The following REPS2 variants were observed in gnomAD, a reference collection of about 807,000 sequenced individuals.
The protein encoded by REPS2 is RALBP1 associated Eps domain containing 2.
REPS2 carries 23 observed loss-of-function variants against 53.6 expected under a neutral mutation model. That is an observed-to-expected ratio of 0.43 (90% CI 0.31 to 0.61). The LOEUF (loss-of-function observed/expected upper bound fraction) is 0.61, where lower values mean the gene tolerates loss of function less well. Ranked by LOEUF, REPS2 falls within the 20% of genes least tolerant of loss-of-function variation. The pLI, the probability that REPS2 is intolerant of heterozygous loss-of-function variation, is 0.11. For missense variants in REPS2, 446 were observed against 534.9 expected (o/e 0.83, Z 1.64); for synonymous variants, 238 against 218.6 (o/e 1.09, Z -0.78).
At chrX:17,059,658 G>A (rs953069278) in intron 8 of REPS2, among the ~76,000 whole-genome samples, 14 of 109,300 alleles carry the variant, frequency 1.3e-4, no homozygotes, top group Non-Finnish European at 2.3e-4. Context: ...GTAGAGACGG[G>A]GTTTCACCAT....
At chrX:17,004,298 A>C (rs1210049774) in intron 1 of REPS2, among the ~76,000 whole-genome samples, 1 of 108,447 alleles carries the variant, frequency 9.2e-6, no homozygotes, top group Non-Finnish European at 1.9e-5. Context: ...TTTTCACCTT[A>C]TTTTCTTTAG....
In REPS2 at chrX:17,128,098, T is replaced by G. The variant is rs1603093827; in HGVS notation, c.1579-5726T>G. Among the ~76,000 whole-genome samples, 3 of 111,456 alleles carry G rather than the reference T, an allele frequency of 2.7e-5. No individual in the cohort carries two copies. The Middle Eastern group carries it at 0.014, about 521-fold the overall frequency. ...ATACTAGAGTGCTTTCAGTCCCCTC[T>G]CCTGGGAGTACGTTGCATAGTGTCT... On this transcript the variant is annotated intron_variant, in intron 14 of 17. Transcript: ENST00000357277.
At chrX:17,048,299 TTGG>T (rs1023504544) in intron 6 of REPS2, among the ~76,000 whole-genome samples, 1 of 112,196 alleles carries the variant, frequency 8.9e-6, no homozygotes, top group African/African-American at 3.2e-5. Flanking sequence ...CATTTACTGA[TTGG>T]TGGTAATGGC....
intron 1 of REPS2, among the ~76,000 whole-genome samples, chrX:16,960,446 C>T (rs766823054): frequency 6.2e-5 from 7 of 112,210 alleles, no homozygotes; most frequent in Non-Finnish European, 1.1e-4. Flanking sequence ...AACAGCCTTT[C>T]GTGATAAACA....
chrX:16,984,935 A>C, intron 1 of REPS2, among the ~76,000 whole-genome samples: 2 of 111,337 alleles, frequency 1.8e-5, no homozygotes, highest in Middle Eastern at 9.2e-3. Context: ...GTATAAGGTG[A>C]ATGGTAGATG....
chrX:17,193,068 T>G, the REPS2 span, among the ~76,000 whole-genome samples: 1 of 112,736 alleles, frequency 8.9e-6, no homozygotes, highest in Non-Finnish European at 1.9e-5. Flanking sequence ...ATGAACATTT[T>G]GTGCATGTCC....
chrX:17,022,724 G>A (rs1417668105), intron 3 of REPS2, among the ~76,000 whole-genome samples: 1 of 112,185 alleles, frequency 8.9e-6, no homozygotes, highest in East Asian at 2.8e-4. Flanking sequence ...TTGGAAATTC[G>A]TAGTGCACAT....
intron 5 of REPS2, among the ~76,000 whole-genome samples, chrX:17,036,685 G>A (rs2061769265): frequency 9.0e-6 from 1 of 111,360 alleles, no homozygotes; most frequent in African/African-American, 3.3e-5. Flanking sequence ...AGAGATTAGG[G>A]CTAAAAAAAA....
At chrX:17,124,658 C>T (rs1214284408) in intron 14 of REPS2, among the ~76,000 whole-genome samples, 1 of 110,706 alleles carries the variant, frequency 9.0e-6, no homozygotes, top group Non-Finnish European at 1.9e-5. Flanking sequence ...GCTGGAAAGG[C>T]CCTGGAGGCA....
chrX:17,089,123 GT>G (rs1004213040), intron 13 of REPS2, among the ~76,000 whole-genome samples: 1 of 111,517 alleles, frequency 9.0e-6, no homozygotes, highest in Non-Finnish European at 1.9e-5. Context: ...TAAAATGTTA[GT>G]AGATTTCTCT....
Position 17,024,997 on chromosome X carries a change from A to T in REPS2, c.547-62A>T. On this transcript the variant is annotated intron_variant, in intron 3 of 17. Coordinates refer to ENST00000357277, the MANE Select transcript of REPS2 (RefSeq NM_004726.3). ...CAGTAGAGTTGCGTTATGCTTCCTG[A>T]CTGCAGCTCAGAACGCCAGGCTTGA... 2.5e-6 allele frequency: 3 copies of T among 1,206,875 alleles called. No homozygotes were observed. The South Asian group carries it at 5.3e-5, about 21-fold the overall frequency.
chrX:17,070,876 G>A (rs1211695814), intron 11 of REPS2, among the ~76,000 whole-genome samples: 2 of 109,247 alleles, frequency 1.8e-5, no homozygotes, highest in East Asian at 5.7e-4. Flanking sequence ...AGAGGAAGGA[G>A]TTGGGGGAGT....
chrX:16,975,324 C>T (rs1156544642), intron 1 of REPS2, among the ~76,000 whole-genome samples: 1 of 112,032 alleles, frequency 8.9e-6, no homozygotes, highest in Non-Finnish European at 1.9e-5. Context: ...TTAATTTACA[C>T]TCCTACCAGC....
chrX:16,962,588 G>A (rs138975121), intron 1 of REPS2, among the ~76,000 whole-genome samples: 12 of 111,485 alleles, frequency 1.1e-4, no homozygotes, highest in Non-Finnish European at 1.9e-4. Context: ...GTCTAGAGAT[G>A]TACAGCAGGA....
the REPS2 span, among the ~76,000 whole-genome samples, chrX:17,183,714 TA>T: frequency 8.9e-6 from 1 of 112,260 alleles, no homozygotes; most frequent in Non-Finnish European, 1.9e-5. Flanking sequence ...GAGGGAACTC[TA>T]AAAGATGGAG....
chrX:17,023,309 T>C (rs1235888909), intron 3 of REPS2, among the ~76,000 whole-genome samples: 2 of 110,298 alleles, frequency 1.8e-5, no homozygotes, highest in African/African-American at 6.6e-5. Context: ...GTGCCTGTAG[T>C]CCCAGCTACT....
chrX:17,004,021 A>G (rs897317078), intron 1 of REPS2, among the ~76,000 whole-genome samples: 1 of 111,276 alleles, frequency 9.0e-6, no homozygotes, highest in Non-Finnish European at 1.9e-5. Flanking sequence ...TCTTTTTTTC[A>G]TCTCTTGCCT....
chrX:16,974,344 T>C (rs2060929370), intron 1 of REPS2, among the ~76,000 whole-genome samples: 1 of 111,651 alleles, frequency 9.0e-6, no homozygotes, highest in Non-Finnish European at 1.9e-5. Context: ...GACATTGTTT[T>C]GTAGAATGTA....
intron 1 of REPS2, among the ~76,000 whole-genome samples, chrX:16,957,286 T>C (rs1016620003): frequency 2.7e-5 from 3 of 110,715 alleles, no homozygotes; most frequent in African/African-American, 6.6e-5. Flanking sequence ...GGAATGTGCC[T>C]GTAGTCCTGG....
Sources: allele counts gnomAD v4.1 joint callset (sites outside exome capture counted in the v4.1 genomes callset), GRCh38; gene constraint gnomAD v4.1.1; transcripts MANE v1.5; gene names NCBI Gene and HGNC (gene_info 2026-07-23, HGNC 2026-07-21).